The following PTPRM variants were observed in gnomAD, a reference collection of about 807,000 sequenced individuals.
The protein encoded by PTPRM is receptor-type tyrosine-protein phosphatase mu.
In PTPRM, 47 loss-of-function variants were observed where a neutral mutation model predicts 186.7. The observed-to-expected ratio is 0.25, with a 90% CI of 0.20 to 0.32. The LOEUF (loss-of-function observed/expected upper bound fraction) is 0.32, where lower values mean the gene tolerates loss of function less well. PTPRM is among the 10% of genes least tolerant of loss of function. PTPRM has a pLI of 1.00. For missense variants in PTPRM, 1,494 were observed against 1,865.0 expected (o/e 0.80, Z 3.66); for synonymous variants, 668 against 674.9 (o/e 0.99, Z 0.16).
chr18:8,381,556 G>T (rs879378275), intron 29 of PTPRM, among the ~76,000 whole-genome samples: 3 of 152,180 alleles, frequency 2.0e-5, no homozygotes, highest in Non-Finnish European at 4.4e-5. Context: ...CTGAAAGCTG[G>T]TTAATGAAAT....
chr18:7,879,788 A>G (rs1463195466), intron 2 of PTPRM, among the ~76,000 whole-genome samples: 1 of 152,202 alleles, frequency 6.6e-6, no homozygotes, highest in African/African-American at 2.4e-5. Flanking sequence ...ACTAAATGGC[A>G]TGATTTGTAG....
intron 14 of PTPRM, among the ~76,000 whole-genome samples, chr18:8,146,492 A>G (rs559221919): frequency 0.088 from 6,863 of 78,002 alleles, 359 homozygotes; most frequent in African/African-American, 0.22. Flanking sequence ...CCCACTTTTT[A>G]ATGGGATTGT....
intron 19 of PTPRM, among the ~76,000 whole-genome samples, chr18:8,277,843 C>T (rs923701055): frequency 2.6e-5 from 4 of 152,108 alleles, no homozygotes; most frequent in Non-Finnish European, 5.9e-5. Context: ...TTAACTAACG[C>T]AGTGAGGTGC....
At position 8,056,949 on chromosome 18, in the gene PTPRM, T is replaced by C. The variant is rs148706995; in HGVS notation, c.1133-12737T>C. Reference sequence around the variant, plus strand: ...TGCTTGTAGTAGAGAAAAGGTAAACTCAGCTATCTTTTCTGCAGTAAGGGA... The same window carrying C: ...TGCTTGTAGTAGAGAAAAGGTAAACCCAGCTATCTTTTCTGCAGTAAGGGA... On this transcript the variant is annotated intron_variant, in intron 7 of 32. Coordinates refer to ENST00000580170, the MANE Select transcript of PTPRM (RefSeq NM_001105244.2). 1.9e-3 allele frequency among the ~76,000 whole-genome samples: 294 copies of C among 152,116 alleles called. 1 individual carries two copies. The highest frequency in any genetic ancestry group is 3.7e-3 in the Non-Finnish European group (252 of 68,004).
At chr18:7,917,879 C>A (rs923436420) in intron 4 of PTPRM, among the ~76,000 whole-genome samples, 1 of 152,160 alleles carries the variant, frequency 6.6e-6, no homozygotes, top group Non-Finnish European at 1.5e-5. Context: ...AATCTACTCT[C>A]TATCTTCATG....
intron 7 of PTPRM, among the ~76,000 whole-genome samples, chr18:7,981,216 G>A (rs922883064): frequency 2.0e-5 from 3 of 152,000 alleles, no homozygotes; most frequent in African/African-American, 7.2e-5. Context: ...CCTCCTCAGG[G>A]AGGCTTTCCC....
chr18:7,668,231 G>A lies in PTPRM; in HGVS notation c.73+100340G>A, dbSNP rs890096050. ...CGGTGGTGCCCGCAGACGCTGCTTC[G>A]TGTCCCCCATGACAGCTCTGGTGTG... On this transcript the variant is annotated intron_variant, in intron 1 of 32. Coordinates refer to ENST00000580170, the MANE Select transcript of PTPRM (RefSeq NM_001105244.2). This position sits in a 1 kb window ranked among gnomAD's most constrained non-coding sequence, Gnocchi z 4.7. Among the ~76,000 whole-genome samples, 19 of 152,126 alleles carry A rather than the reference G, an allele frequency of 1.2e-4. No homozygotes were observed. Among genetic ancestry groups the A allele is most frequent in the Admixed American group, 9.2e-4 (14 of 15,276 alleles).
At chr18:7,746,322 A>C (rs2040984881) in intron 1 of PTPRM, among the ~76,000 whole-genome samples, 1 of 152,214 alleles carries the variant, frequency 6.6e-6, no homozygotes, top group African/African-American at 2.4e-5. Flanking sequence ...TGGAATCCAG[A>C]AGACAATGAC....
In PTPRM at chr18:7,888,281, A is replaced by G. The variant is rs1252564341; in HGVS notation, c.372A>G (p.Pro124=). ...TCTACGTGAAGGTCAATAACGGGCC[A>G]CTGGGGAATCCTATCTGGAATATAT... ...LNVYVKVNNG[P]LGNPIWNISG... Residue 124 remains proline, a synonymous_variant, in exon 3 of 33, where the codon CCA becomes CCG. Transcript: ENST00000580170. 7 of 1,614,046 alleles carry G rather than the reference A, an allele frequency of 4.3e-6. No homozygotes were observed. The highest frequency in any genetic ancestry group is 5.9e-6 in the Non-Finnish European group (7 of 1,180,032).
chr18:7,940,110 A>C (rs1338444399), intron 5 of PTPRM, among the ~76,000 whole-genome samples: 1 of 152,146 alleles, frequency 6.6e-6, no homozygotes, highest in Non-Finnish European at 1.5e-5. Context: ...ATCACTCCCC[A>C]CACTTCACTG....
At position 8,130,407 on chromosome 18, in the gene PTPRM, A is replaced by G. The variant is rs538364857; in HGVS notation, c.2168-13240A>G. Among the ~76,000 whole-genome samples the G allele has an allele frequency of 3.9e-5, 6 of 152,340 alleles. No homozygotes were observed. The East Asian group carries it at 1.2e-3, about 29-fold the overall frequency. ...GCATGGTGCATCTTCTGGGAGCATCACTTTCCTTGATGATAAATAATGCAA... is the reference window on the plus strand; with the variant it reads ...GCATGGTGCATCTTCTGGGAGCATCGCTTTCCTTGATGATAAATAATGCAA... On this transcript the variant is annotated intron_variant, in intron 13 of 32. Coordinates refer to ENST00000580170, the MANE Select transcript of PTPRM (RefSeq NM_001105244.2).
chr18:8,102,343 T>C (rs2091328874), intron 11 of PTPRM, among the ~76,000 whole-genome samples: 1 of 152,258 alleles, frequency 6.6e-6, no homozygotes, highest in African/African-American at 2.4e-5. Flanking sequence ...TAGCATGGGA[T>C]GCTGTTGGAT....
Position 7,808,141 on chromosome 18 carries a change from A to G in PTPRM, c.196+33870A>G, listed in dbSNP as rs193047239. On this transcript the variant is annotated intron_variant, in intron 2 of 32. Coordinates refer to ENST00000580170, the MANE Select transcript of PTPRM (RefSeq NM_001105244.2). ...CAGTCTCCAAACCGTGTGTTTGCCA[A>G]TATTTCTTTGTTCATCTCTATTTCA... 1.1e-4 allele frequency among the ~76,000 whole-genome samples: 16 copies of G among 152,300 alleles called. No individual in the cohort carries two copies. In the East Asian group the frequency reaches 1.9e-3, roughly 18 times the overall value.
chr18:7,916,384 A>G (rs2050557523), intron 4 of PTPRM, among the ~76,000 whole-genome samples: 1 of 152,208 alleles, frequency 6.6e-6, no homozygotes, highest in South Asian at 2.1e-4. Context: ...GATAGAGTGT[A>G]TGCATTTTAT....
chr18:7,621,569 G>GTA (rs2037939825), intron 1 of PTPRM, among the ~76,000 whole-genome samples: 1 of 152,132 alleles, frequency 6.6e-6, no homozygotes, highest in Non-Finnish European at 1.5e-5. Flanking sequence ...TGCCATTATA[G>GTA]TATCCTACAG....
At chr18:8,353,363 AAAAGCAATCTTGGTGACCATTAAG>A (rs1379101903) in intron 23 of PTPRM, among the ~76,000 whole-genome samples, 8 of 152,212 alleles carry the variant, frequency 5.3e-5, no homozygotes, top group African/African-American at 1.4e-4. Context: ...ATTGGTATTG[AAAAGCAATCTTGGTGACCATTAAG>A]AAAAGGCTGA....
chr18:7,650,456 C>G (rs902326235), intron 1 of PTPRM, among the ~76,000 whole-genome samples: 2 of 141,602 alleles, frequency 1.4e-5, no homozygotes, highest in Non-Finnish European at 3.0e-5. Context: ...CCCCCCCCCC[C>G]CACTGTAATT....
At chr18:8,375,121 G>A (rs1188192750) in intron 24 of PTPRM, among the ~76,000 whole-genome samples, 2 of 152,182 alleles carry the variant, frequency 1.3e-5, no homozygotes, top group Non-Finnish European at 2.9e-5. Context: ...AAATTGACAG[G>A]TATAAATTAC....
At chr18:8,303,497 A>G (rs2095184501) in intron 20 of PTPRM, among the ~76,000 whole-genome samples, 1 of 152,150 alleles carries the variant, frequency 6.6e-6, no homozygotes, top group Non-Finnish European at 1.5e-5. Flanking sequence ...AGGGAACCAG[A>G]GTTTATAGTT....
Sources: gnomAD v4.1 joint callset for allele counts (sites outside exome capture counted in the v4.1 genomes callset) on GRCh38, gnomAD v4.1.1 for gene constraint, Gnocchi (gnomAD v3.1) non-coding constraint, MANE v1.5 for transcripts, NCBI Gene and HGNC (gene_info 2026-07-23, HGNC 2026-07-21) for gene names.